Variants in TES observed in about 807,000 individuals in gnomAD.
TES encodes testin.
In TES, 41 loss-of-function variants were observed where a neutral mutation model predicts 48.2. The observed-to-expected ratio is 0.85, with a 90% CI of 0.66 to 1.10. The LOEUF is 1.10. Ranked by LOEUF, TES falls within the 50% of genes least tolerant of loss-of-function variation. TES has a pLI of 0.00. For missense variants in TES, 463 were observed against 515.1 expected (o/e 0.90, Z 0.98); for synonymous variants, 162 against 174.9 (o/e 0.93, Z 0.58).
chr7:116,222,852 T>G, intron 1 of TES: 1 of 384,942 alleles, frequency 2.6e-6, no homozygotes, highest in South Asian at 1.1e-4. Flanking sequence ...TCCATTACAG[T>G]GTCTTTCAGC....
chr7:116,258,107 TG>T lies in TES; in HGVS notation c.*626del, dbSNP rs772535787. 5 of 152,242 alleles carry T rather than the reference TG, an allele frequency of 3.3e-5. No individual in the cohort carries two copies. The East Asian group carries it at 7.7e-4, about 23-fold the overall frequency. The allele number at this position is 152,242 out of a possible 1,614,324, so 9.4% of individuals were successfully genotyped here. On this transcript the variant is annotated 3_prime_UTR_variant, in exon 7 of 7. Transcript: ENST00000358204. ...TGTACCCTACCTTCAGTATTCTCTT[TG>T]TAAGTTGGTGACTTGCATCTGTGGC...
chr7:116,241,785 T>C (rs1021059968), intron 2 of TES, among the ~76,000 whole-genome samples: 2 of 152,186 alleles, frequency 1.3e-5, no homozygotes, highest in African/African-American at 4.8e-5. Context: ...GTTAAAGGCA[T>C]TGATAGAAAA....
rs574195696 is a variant in TES at position 116,252,641 on chromosome 7, A to G, written c.1077+165A>G. ...AAAATCAAGGCAATTCAAAAACAAT[A>G]CATGCATTGACTATGAGCCACCTCA... On this transcript the variant is annotated intron_variant, in intron 6 of 6. Coordinates refer to ENST00000358204, the MANE Select transcript of TES (RefSeq NM_015641.4). 35 of 873,292 alleles carry G rather than the reference A, an allele frequency of 4.0e-5. No homozygotes were observed. In the East Asian group the frequency reaches 8.6e-4, roughly 21 times the overall value. The allele number at this position is 873,292 out of a possible 1,614,324, so 54.1% of individuals were successfully genotyped here. A position where few individuals can be genotyped will look rare whatever the true frequency, so the allele number is the denominator to read the frequency against.
At chr7:116,251,695 A>G in intron 4 of TES, 65 bp from the exon 5 acceptor site, 1 of 992,962 alleles carries the variant, frequency 1.0e-6, no homozygotes, top group Non-Finnish European at 1.3e-6. Context: ...AAAAAAAAAA[A>G]GAAAGAAAGA....
intron 1 of TES, among the ~76,000 whole-genome samples, chr7:116,233,809 G>T (rs1799730863): frequency 6.6e-6 from 1 of 152,260 alleles, no homozygotes; most frequent in East Asian, 1.9e-4. Flanking sequence ...GTGTGGGCTT[G>T]CTTTCTGCTT....
At chr7:116,247,323 C>G (rs1426540151) in intron 2 of TES, among the ~76,000 whole-genome samples, 2 of 152,026 alleles carry the variant, frequency 1.3e-5, no homozygotes, top group Non-Finnish European at 2.9e-5. Flanking sequence ...TGGATAATAG[C>G]TATAAAATGT....
At position 116,252,440 on chromosome 7, in the gene TES, C is replaced by A. The variant is rs762089523; in HGVS notation, c.1041C>A (p.Pro347=). The A allele has an allele frequency of 1.9e-6, 3 of 1,614,162 alleles. No homozygotes were observed. Among genetic ancestry groups the A allele is most frequent in the Non-Finnish European group, 2.5e-6 (3 of 1,180,030 alleles). ...GEIYVMVNDK[P]VCKPCYVKNH... Reference sequence around the variant, plus strand: ...TATACGTGATGGTCAATGACAAGCCCGTGTGCAAGCCCTGCTATGTGAAGA... The same window carrying A: ...TATACGTGATGGTCAATGACAAGCCAGTGTGCAAGCCCTGCTATGTGAAGA... The change falls in exon 6 of 7, where the codon CCC becomes CCA. Residue 347 remains proline, a synonymous_variant. Transcript: ENST00000358204.
At chr7:116,252,224 C>A in intron 5 of TES, 94 bp from the exon 6 acceptor site, 1 of 1,350,776 alleles carries the variant, frequency 7.4e-7, no homozygotes, top group South Asian at 1.5e-5. Context: ...TTTAGGTTAT[C>A]ATTTTCAAAC....
chr7:116,256,226 T>C (rs1800096378), intron 6 of TES, among the ~76,000 whole-genome samples: 1 of 152,126 alleles, frequency 6.6e-6, no homozygotes. Flanking sequence ...CCTAAACCAA[T>C]TACCCAGTGA....
intron 6 of TES, among the ~76,000 whole-genome samples, chr7:116,253,993 C>A (rs1379892836): frequency 1.3e-5 from 2 of 152,154 alleles, no homozygotes; most frequent in Non-Finnish European, 2.9e-5. Flanking sequence ...GTTTGAGTGA[C>A]TGACTCGTGT....
chr7:116,257,382 T>C lies in TES; in HGVS notation c.1166T>C (p.Phe389Ser), dbSNP rs754828812. The C allele has an allele frequency of 1.2e-6, 2 of 1,613,968 alleles. No individual in the cohort carries two copies. ...AGCTGGCATGCATCCACAGAGTGCT[T>C]TCTGTGCTCTTGCTGCAGCAAATGC... ...NFSWHASTECFLCSCCSKCLI... is the reference protein window; with the variant it reads ...NFSWHASTECSLCSCCSKCLI... The change falls in exon 7 of 7, where the codon TTT becomes TCT. Residue 389 changes from phenylalanine (F) to serine (S), a missense_variant. Transcript: ENST00000358204.
intron 1 of TES, among the ~76,000 whole-genome samples, chr7:116,212,916 A>G (rs1217454091): frequency 6.6e-6 from 1 of 152,238 alleles, no homozygotes; most frequent in Non-Finnish European, 1.5e-5. Flanking sequence ...ATCCCATGAT[A>G]TAACAAATCC....
At chr7:116,251,289 T>C (rs1267765927) in intron 4 of TES, among the ~76,000 whole-genome samples, 1 of 152,232 alleles carries the variant, frequency 6.6e-6, no homozygotes, top group African/African-American at 2.4e-5. Flanking sequence ...CACAGAATTA[T>C]TAATACGTTA....
chr7:116,240,177 C>T (rs1799826135), intron 2 of TES, among the ~76,000 whole-genome samples: 1 of 152,178 alleles, frequency 6.6e-6, no homozygotes, highest in Non-Finnish European at 1.5e-5. Flanking sequence ...TACAAAAGGG[C>T]AGCTTCCAAC....
At position 116,234,563 on chromosome 7, in the gene TES, A is replaced by G. The variant is rs1423280121; in HGVS notation, c.57A>G (p.Gly19=). Residue 19 remains glycine (G), a synonymous_variant, in exon 2 of 7, where the codon GGA becomes GGG. Coordinates refer to ENST00000358204, the MANE Select transcript of TES (RefSeq NM_015641.4). ...GCTTAGGTCACGAGCAAGGATTTGG[A>G]GCCCCTTGTTTAAAATGCAAAGAAA... ...KMGLGHEQGF[G]APCLKCKEKC... 1.9e-6 allele frequency: 3 copies of G among 1,613,818 alleles called. No individual in the cohort carries two copies. The highest frequency in any genetic ancestry group is 3.3e-5 in the Admixed American group (2 of 60,000).
intron 1 of TES, among the ~76,000 whole-genome samples, chr7:116,222,550 T>C (rs1342128675): frequency 6.6e-6 from 1 of 152,202 alleles, no homozygotes; most frequent in African/African-American, 2.4e-5. Context: ...CCATGTATTA[T>C]GATGGGTTAC....
intron 1 of TES, among the ~76,000 whole-genome samples, chr7:116,222,460 G>A (rs1799568333): frequency 1.3e-5 from 2 of 152,062 alleles, no homozygotes; most frequent in Non-Finnish European, 2.9e-5. Flanking sequence ...GTCTTTTTCT[G>A]CATGTGCTCC....
intron 2 of TES, among the ~76,000 whole-genome samples, chr7:116,235,864 T>A: frequency 6.6e-6 from 1 of 152,314 alleles, no homozygotes; most frequent in South Asian, 2.1e-4. Context: ...ATTTTAGACA[T>A]TAATCTCTTT....
At chr7:116,228,660 A>T (rs1315758817) in intron 1 of TES, among the ~76,000 whole-genome samples, 1 of 152,168 alleles carries the variant, frequency 6.6e-6, no homozygotes, top group Non-Finnish European at 1.5e-5. Flanking sequence ...CCAGAGTTAC[A>T]AGTGATTCTG....
Sources: gnomAD v4.1 joint callset for allele counts (sites outside exome capture counted in the v4.1 genomes callset) on GRCh38, gnomAD v4.1.1 for gene constraint, MANE v1.5 for transcripts, NCBI Gene and HGNC (gene_info 2026-07-23, HGNC 2026-07-21) for gene names.